Variants in VRK2 observed in about 807,000 individuals in gnomAD.
The protein encoded by VRK2 is serine/threonine-protein kinase VRK2.
In VRK2, 60 loss-of-function variants were observed where a neutral mutation model predicts 57.6. The observed-to-expected ratio is 1.04, with a 90% CI of 0.85 to 1.29. The LOEUF (loss-of-function observed/expected upper bound fraction) is 1.29. VRK2 is among the 50% of genes most tolerant of loss of function. The pLI, the probability that VRK2 is intolerant of heterozygous loss-of-function variation, is 0.00. For missense variants in VRK2, 705 were observed against 588.1 expected (o/e 1.20, Z -2.06); for synonymous variants, 231 against 199.2 (o/e 1.16, Z -1.35).
Position 58,159,653 on chromosome 2 carries a change from T to G in VRK2, c.1487T>G (p.Val496Gly), listed in dbSNP as rs146396399. The G allele has an allele frequency of 6.7e-5, 108 of 1,613,630 alleles. No individual in the cohort carries two copies. In the African/African-American group the frequency reaches 1.3e-3, roughly 20 times the overall value. ...DVYYYRIIIP[V>G]LLMLVFLALF... ...TATTATTATCGCATCATCATACCTG[T>G]CCTTTTGATGTTAGTATTTCTTGCT... The change falls in exon 13 of 13, where the codon GTC becomes GGC. Residue 496 changes from valine to glycine, a missense_variant. Transcript: ENST00000340157.
At chr2:58,109,129 A>T (rs535858273) in intron 7 of VRK2, among the ~76,000 whole-genome samples, 38 of 152,244 alleles carry the variant, frequency 2.5e-4, no homozygotes, top group African/African-American at 8.4e-4. Context: ...GGTATCTGTT[A>T]AAAAAATTTA....
chr2:58,127,386 A>G (rs1573270155), intron 8 of VRK2, among the ~76,000 whole-genome samples: 4 of 152,270 alleles, frequency 2.6e-5, no homozygotes, highest in East Asian at 1.9e-4. Context: ...CATTTGCTCT[A>G]TTGAATGACT....
chr2:58,020,786 T>C (rs866826943), intron 1 of VRK2, among the ~76,000 whole-genome samples: 4 of 152,178 alleles, frequency 2.6e-5, no homozygotes, highest in Middle Eastern at 3.2e-3. Context: ...AAGTAAAATC[T>C]CCAAGTTAAT....
At chr2:58,043,905 G>C (rs766376692), upstream of VRK2, among the ~76,000 whole-genome samples, 1 of 152,162 alleles carries the variant, frequency 6.6e-6, no homozygotes, top group African/African-American at 2.4e-5. Context: ...AAAAGCAAAA[G>C]TTTTTCATTT....
Position 58,123,251 on chromosome 2 carries a change from T to G in VRK2, c.676+18T>G. 1.3e-6 allele frequency: 2 copies of G among 1,572,068 alleles called. No individual in the cohort carries two copies. Among genetic ancestry groups the G allele is most frequent in the African/African-American group, 1.4e-5 (1 of 71,392 alleles). ...GGGAGTAGGTGGGTTTCTTTTTTCT[T>G]TTTCTTATTTTTATTTCAGAAGAAT... is the stretch of plus-strand genomic sequence containing the variant. On this transcript the variant is annotated intron_variant, in intron 8 of 12. Coordinates refer to ENST00000340157, the MANE Select transcript of VRK2 (RefSeq NM_006296.7).
At chr2:57,941,930 C>A (rs1365908926) in intron 1 of VRK2, among the ~76,000 whole-genome samples, 2 of 152,156 alleles carry the variant, frequency 1.3e-5, no homozygotes, top group African/African-American at 2.4e-5. Flanking sequence ...ATTCTGGGTG[C>A]CACAAACCCT....
chr2:58,112,053 C>G (rs1558649506), intron 7 of VRK2, among the ~76,000 whole-genome samples: 1 of 152,106 alleles, frequency 6.6e-6, no homozygotes, highest in Non-Finnish European at 1.5e-5. Flanking sequence ...TAGTTCTGCA[C>G]AAACTCATTT....
At chr2:57,914,684 C>T (rs1468683165) in intron 1 of VRK2, among the ~76,000 whole-genome samples, 1 of 152,092 alleles carries the variant, frequency 6.6e-6, no homozygotes, top group South Asian at 2.1e-4. Flanking sequence ...GATGTATATA[C>T]ATTCACTAAT....
chr2:58,078,777 T>C (rs1006406860), intron 2 of VRK2, among the ~76,000 whole-genome samples: 14 of 152,164 alleles, frequency 9.2e-5, no homozygotes, highest in African/African-American at 3.4e-4. Flanking sequence ...GTTGAGCATG[T>C]TTTCATATGC....
intron 1 of VRK2, among the ~76,000 whole-genome samples, chr2:57,987,993 C>G (rs920856897): frequency 6.6e-6 from 1 of 152,032 alleles, no homozygotes; most frequent in African/African-American, 2.4e-5. Context: ...TTACTAGGGC[C>G]TGGGGTTGGG....
intron 1 of VRK2, among the ~76,000 whole-genome samples, chr2:58,008,330 T>C (rs1461857442): frequency 6.6e-6 from 1 of 151,864 alleles, no homozygotes; most frequent in Non-Finnish European, 1.5e-5. Context: ...TAAGTTCATA[T>C]TATAGAAAAA....
chr2:58,008,382 A>G (rs1309117243), intron 1 of VRK2, among the ~76,000 whole-genome samples: 1 of 152,106 alleles, frequency 6.6e-6, no homozygotes, highest in Non-Finnish European at 1.5e-5. Flanking sequence ...GAAAGGAAGC[A>G]GGAGAGGAAG....
intron 2 of VRK2, among the ~76,000 whole-genome samples, chr2:58,061,279 A>G (rs1677296456): frequency 6.6e-6 from 1 of 151,964 alleles, no homozygotes; most frequent in Admixed American, 6.6e-5. Context: ...AGAGTTTATT[A>G]GTGTTAATGT....
intron 7 of VRK2, among the ~76,000 whole-genome samples, chr2:58,118,020 A>T (rs1676792283): frequency 6.6e-6 from 1 of 152,060 alleles, no homozygotes; most frequent in Non-Finnish European, 1.5e-5. Context: ...GAAATAAGGG[A>T]TTGGGGGTTC....
At chr2:58,110,121 A>G (rs143619349) in intron 7 of VRK2, among the ~76,000 whole-genome samples, 1 of 152,314 alleles carries the variant, frequency 6.6e-6, no homozygotes, top group East Asian at 1.9e-4. Flanking sequence ...GTGATTTTCT[A>G]GACGGACTGC....
At chr2:57,946,500 T>A (rs537535026) in intron 1 of VRK2, among the ~76,000 whole-genome samples, 11 of 152,240 alleles carry the variant, frequency 7.2e-5, no homozygotes, top group African/African-American at 2.6e-4. Context: ...GATGGTAGTA[T>A]GTTTAAAGAG....
chr2:58,113,849 A>G (rs988875124), intron 7 of VRK2, among the ~76,000 whole-genome samples: 1 of 152,206 alleles, frequency 6.6e-6, no homozygotes, highest in Non-Finnish European at 1.5e-5. Context: ...GCTTGGGCTC[A>G]GAGGCCTGAC....
intron 2 of VRK2, among the ~76,000 whole-genome samples, chr2:58,031,791 C>T (rs560545855): frequency 6.6e-6 from 1 of 152,142 alleles, no homozygotes; most frequent in Admixed American, 6.5e-5. Flanking sequence ...CATATCTGCT[C>T]AGATGTGGAA....
intron 7 of VRK2, among the ~76,000 whole-genome samples, chr2:58,104,006 T>A (rs149157566): frequency 5.3e-5 from 8 of 151,872 alleles, no homozygotes; most frequent in Middle Eastern, 3.4e-3. Flanking sequence ...AAAAAAAGCA[T>A]GTGATAAAAT....
Sources: allele counts gnomAD v4.1 joint callset (sites outside exome capture counted in the v4.1 genomes callset), GRCh38; gene constraint gnomAD v4.1.1; transcripts MANE v1.5; gene names NCBI Gene and HGNC (gene_info 2026-07-23, HGNC 2026-07-21).